The following TOP6BL variants were observed in gnomAD, a reference collection of about 807,000 sequenced individuals.
TOP6BL encodes the protein type 2 DNA topoisomerase 6 subunit B-like.
chr11:66,840,806 T>C, the TOP6BL span, among the ~76,000 whole-genome samples: 2 of 152,302 alleles, frequency 1.3e-5, no homozygotes, highest in Admixed American at 1.3e-4. Flanking sequence ...CTCCCTGGGC[T>C]TTTCTCTTCA....
chr11:66,755,515 T>G, the TOP6BL span, among the ~76,000 whole-genome samples: 1 of 152,218 alleles, frequency 6.6e-6, no homozygotes, highest in Non-Finnish European at 1.5e-5. Flanking sequence ...ATTATTTTAT[T>G]GAGGTTTCAG....
chr11:66,801,315 CAT>C, the TOP6BL span, among the ~76,000 whole-genome samples: 1 of 152,300 alleles, frequency 6.6e-6, no homozygotes, highest in East Asian at 1.9e-4. Context: ...GACCTGAAGA[CAT>C]GTGCCTTCTT....
chr11:66,747,373 T>A, the TOP6BL span, among the ~76,000 whole-genome samples: 1 of 152,120 alleles, frequency 6.6e-6, no homozygotes, highest in African/African-American at 2.4e-5. Context: ...GTGTTAAGCA[T>A]TTTGCACATA....
the TOP6BL span, chr11:66,756,391 GGC>G: frequency 8.5e-7 from 1 of 1,177,074 alleles, no homozygotes; most frequent in Non-Finnish European, 1.1e-6. Context: ...GGAGTGCAGT[GGC>G]GCAGTCTCGG....
At chr11:66,799,732 G>T in the TOP6BL span, among the ~76,000 whole-genome samples, 3 of 149,442 alleles carry the variant, frequency 2.0e-5, no homozygotes, top group Non-Finnish European at 4.5e-5. Context: ...AAAAAAAAAA[G>T]TCTTGTTTCT....
the TOP6BL span, among the ~76,000 whole-genome samples, chr11:66,783,348 C>T: frequency 6.6e-6 from 1 of 152,120 alleles, no homozygotes; most frequent in African/African-American, 2.4e-5. Flanking sequence ...GGCCACAGAA[C>T]ATGATCCTGT....
At chr11:66,802,579 T>G in the TOP6BL span, among the ~76,000 whole-genome samples, 1 of 152,166 alleles carries the variant, frequency 6.6e-6, no homozygotes, top group Non-Finnish European at 1.5e-5. Context: ...ATTACAGATG[T>G]GAGCCAATGT....
chr11:66,843,024 C>T, the TOP6BL span: 1 of 1,554,710 alleles, frequency 6.4e-7, no homozygotes, highest in Non-Finnish European at 8.7e-7. Context: ...AGGCTCACGG[C>T]AGGGCCCTGG....
chr11:66,788,689 T>C, the TOP6BL span, among the ~76,000 whole-genome samples: 1 of 152,240 alleles, frequency 6.6e-6, no homozygotes. Flanking sequence ...CATGGCTTTT[T>C]TTCTGCATGT....
At chr11:66,793,436 CTTTTTTTGTTTTTTTTT>C in the TOP6BL span, among the ~76,000 whole-genome samples, 1 of 121,166 alleles carries the variant, frequency 8.3e-6, no homozygotes, top group Non-Finnish European at 1.8e-5. Context: ...ATAATTTTTT[CTTTTTTTGTTTTTTTTT>C]TTTTTTTTTT....
the TOP6BL span, among the ~76,000 whole-genome samples, chr11:66,812,975 G>T: frequency 6.6e-6 from 1 of 152,164 alleles, no homozygotes; most frequent in African/African-American, 2.4e-5. Flanking sequence ...TTACAGGTAG[G>T]GTGAGAGTGG....
the TOP6BL span, among the ~76,000 whole-genome samples, chr11:66,760,625 CAAAA>C: frequency 1.8e-4 from 10 of 54,150 alleles, no homozygotes; most frequent in African/African-American, 5.9e-4. Context: ...CCCATCTTTA[CAAAA>C]AAAAAAAAAA....
At chr11:66,784,960 T>C in the TOP6BL span, among the ~76,000 whole-genome samples, 21 of 141,214 alleles carry the variant, frequency 1.5e-4, no homozygotes, top group Non-Finnish European at 2.3e-4. Flanking sequence ...AGATTTCTTT[T>C]TTTTTTTTTT....
the TOP6BL span, chr11:66,815,747 A>C: frequency 4.0e-6 from 1 of 251,760 alleles, no homozygotes; most frequent in Non-Finnish European, 7.6e-6. Context: ...TACCAGCCAT[A>C]CCTGCCTTAG....
At chr11:66,821,722 C>T in the TOP6BL span, 1 of 1,613,440 alleles carries the variant, frequency 6.2e-7, no homozygotes, top group South Asian at 1.1e-5. Context: ...CCATCCAATT[C>T]ACTGTGGACA....
the TOP6BL span, among the ~76,000 whole-genome samples, chr11:66,841,110 ATTTTTTTTTTTTT>A: frequency 4.7e-5 from 4 of 84,628 alleles, no homozygotes; most frequent in Non-Finnish European, 8.9e-5. Flanking sequence ...GAGGCCTCTC[ATTTTTTTTTTTTT>A]TTTTTTTTTT....
At chr11:66,805,040 C>T in the TOP6BL span, among the ~76,000 whole-genome samples, 1 of 151,948 alleles carries the variant, frequency 6.6e-6, no homozygotes, top group South Asian at 2.1e-4. Flanking sequence ...TGCACTCCAG[C>T]GTGGGCAACA....
At chr11:66,752,222 T>G in the TOP6BL span, among the ~76,000 whole-genome samples, 42 of 151,992 alleles carry the variant, frequency 2.8e-4, no homozygotes, top group South Asian at 1.0e-3. Context: ...AAAGAGTGTT[T>G]GGAAGGTAAA....
At chr11:66,813,832 C>G in the TOP6BL span, 2 of 1,600,410 alleles carry the variant, frequency 1.2e-6, no homozygotes, top group East Asian at 2.2e-5. Flanking sequence ...TCATAAGATA[C>G]TAAAATTTGG....
Sources: gnomAD v4.1 joint callset for allele counts (sites outside exome capture counted in the v4.1 genomes callset) on GRCh38, gnomAD v4.1.1 for gene constraint, MANE v1.5 for transcripts, NCBI Gene and HGNC (gene_info 2026-07-23, HGNC 2026-07-21) for gene names.